ADAMTSL1: variants seen among roughly 807,000 people sequenced by gnomAD.
The protein encoded by ADAMTSL1 is ADAMTS like 1, also known as ADAMTS-like protein 1.
A neutral mutation model predicts 201.8 loss-of-function variants in ADAMTSL1; 126 were observed. That is an observed-to-expected ratio of 0.62 (90% confidence interval 0.54 to 0.72). The LOEUF is 0.72. Among genes scored for constraint, ADAMTSL1 ranks in the 30% least tolerant of loss-of-function variants. The pLI is 0.00. For synonymous variants in ADAMTSL1, 1,121 were observed against 903.4 expected (o/e 1.24, Z -4.32); for missense variants, 2,679 against 2,277.8 (o/e 1.18, Z -3.59).
At chr9:18,603,498 A>G (rs763174304) in intron 4 of ADAMTSL1, among the ~76,000 whole-genome samples, 46 of 152,142 alleles carry the variant, frequency 3.0e-4, no homozygotes, top group Non-Finnish European at 6.2e-4. Context: ...GTGCAAACAC[A>G]TGGAGTTTTG....
At chr9:18,113,539 C>T (rs897037972) in intron 1 of ADAMTSL1, among the ~76,000 whole-genome samples, 3 of 152,022 alleles carry the variant, frequency 2.0e-5, no homozygotes, top group Non-Finnish European at 4.4e-5. Flanking sequence ...AAAAGCATTA[C>T]GAGAGCTTCT....
intron 8 of ADAMTSL1, among the ~76,000 whole-genome samples, chr9:18,659,130 T>C (rs1000075682): frequency 6.6e-6 from 1 of 152,250 alleles, no homozygotes; most frequent in African/African-American, 2.4e-5. Context: ...AGCCAGTTAA[T>C]TGGCTGACTT....
At chr9:18,693,490 T>C (rs1831362378) in intron 13 of ADAMTSL1, among the ~76,000 whole-genome samples, 1 of 152,226 alleles carries the variant, frequency 6.6e-6, no homozygotes. Flanking sequence ...TCTATAGCCA[T>C]ATGAAACTCC....
intron 2 of ADAMTSL1, among the ~76,000 whole-genome samples, chr9:18,167,651 A>G (rs1587207014): frequency 6.6e-6 from 1 of 151,926 alleles, no homozygotes; most frequent in East Asian, 1.9e-4. Context: ...TGGAAAATTC[A>G]CTCAACCAAT....
chr9:18,190,228 T>A (rs1466153444), intron 2 of ADAMTSL1, among the ~76,000 whole-genome samples: 1 of 152,216 alleles, frequency 6.6e-6, no homozygotes, highest in Non-Finnish European at 1.5e-5. Flanking sequence ...TTCCAGCAAC[T>A]AAGAAGACAG....
At chr9:18,455,580 G>A (rs1351699705) in intron 2 of ADAMTSL1, among the ~76,000 whole-genome samples, 3 of 151,818 alleles carry the variant, frequency 2.0e-5, no homozygotes, top group Non-Finnish European at 4.4e-5. Context: ...CACCTAAAGA[G>A]CTTATAAGTT....
At chr9:18,119,662 T>C (rs1179210864) in intron 1 of ADAMTSL1, among the ~76,000 whole-genome samples, 1 of 152,074 alleles carries the variant, frequency 6.6e-6, no homozygotes, top group Non-Finnish European at 1.5e-5. Context: ...CTTTTACTAC[T>C]ATAAATCATT....
intron 2 of ADAMTSL1, among the ~76,000 whole-genome samples, chr9:18,408,254 A>G (rs747544785): frequency 3.9e-5 from 6 of 152,166 alleles, no homozygotes; most frequent in Non-Finnish European, 8.8e-5. Flanking sequence ...GGATCACCTG[A>G]GGTCAGAAGT....
intron 2 of ADAMTSL1, among the ~76,000 whole-genome samples, chr9:18,383,615 T>A (rs921786744): frequency 1.3e-5 from 2 of 152,154 alleles, no homozygotes; most frequent in Admixed American, 1.3e-4. Context: ...TCTCAGATGA[T>A]GGAAGCATCC....
At chr9:18,281,305 C>G (rs952425044) in intron 2 of ADAMTSL1, among the ~76,000 whole-genome samples, 4 of 152,134 alleles carry the variant, frequency 2.6e-5, no homozygotes, top group Non-Finnish European at 5.9e-5. Context: ...ACTCACCAGA[C>G]TATGGAGGAT....
intron 2 of ADAMTSL1, among the ~76,000 whole-genome samples, chr9:18,185,700 T>C (rs753229183): frequency 1.1e-4 from 16 of 152,126 alleles, no homozygotes; most frequent in Non-Finnish European, 1.9e-4. Context: ...TAAATCAATT[T>C]GGTATAGAAA....
intron 1 of ADAMTSL1, among the ~76,000 whole-genome samples, chr9:18,055,471 A>T (rs1218161256): frequency 6.6e-6 from 1 of 152,228 alleles, no homozygotes; most frequent in Non-Finnish European, 1.5e-5. Context: ...AGGCTATTCT[A>T]AAAACCCTTC....
intron 7 of ADAMTSL1, among the ~76,000 whole-genome samples, chr9:18,644,339 T>A (rs1353082764): frequency 6.6e-6 from 1 of 151,944 alleles, no homozygotes; most frequent in East Asian, 1.9e-4. Context: ...GGAATCAGAA[T>A]GGCCACTTGT....
At chr9:18,817,310 A>G in intron 21 of ADAMTSL1, 73 bp downstream of exon 21, 1 of 1,453,296 alleles carries the variant, frequency 6.9e-7, no homozygotes, top group Non-Finnish European at 9.3e-7. Flanking sequence ...AAGACAAATT[A>G]GACACAAATT....
chr9:18,038,817 T>C (rs188898970), intron 1 of ADAMTSL1, among the ~76,000 whole-genome samples: 201 of 152,324 alleles, frequency 1.3e-3, no homozygotes, highest in Non-Finnish European at 2.2e-3. Flanking sequence ...CACTTCTCCA[T>C]TGGAAAGCAA....
chr9:18,650,700 A>G (rs10963706), intron 7 of ADAMTSL1, among the ~76,000 whole-genome samples: 6,592 of 152,280 alleles, frequency 0.043, 196 homozygotes, highest in South Asian at 0.085. Flanking sequence ...TGCCACCTTT[A>G]AAACTAGACT....
At chr9:18,025,840 C>T (rs555624066) in intron 1 of ADAMTSL1, among the ~76,000 whole-genome samples, 2 of 151,898 alleles carry the variant, frequency 1.3e-5, no homozygotes, top group African/African-American at 4.8e-5. Flanking sequence ...AGATTGCTTT[C>T]GTTAGTATGA....
chr9:18,024,939 A>G (rs941363713), intron 1 of ADAMTSL1, among the ~76,000 whole-genome samples: 2 of 151,992 alleles, frequency 1.3e-5, no homozygotes, highest in African/African-American at 4.8e-5. Context: ...TCATTCTTTG[A>G]TTTCTTAACA....
At chr9:18,664,061 A>G (rs1587836692) in intron 9 of ADAMTSL1, among the ~76,000 whole-genome samples, 1 of 152,142 alleles carries the variant, frequency 6.6e-6, no homozygotes, top group East Asian at 1.9e-4. Flanking sequence ...AAAAGGGAAA[A>G]GAAAAAATAG....
Sources: gnomAD v4.1 joint callset for allele counts (sites outside exome capture counted in the v4.1 genomes callset) on GRCh38, gnomAD v4.1.1 for gene constraint, MANE v1.5 for transcripts, NCBI Gene and HGNC (gene_info 2026-07-23, HGNC 2026-07-21) for gene names.